FAT3: variants seen among roughly 807,000 people sequenced by gnomAD.
The protein encoded by FAT3 is protocadherin Fat 3.
In FAT3, 95 loss-of-function variants were observed where a neutral mutation model predicts 310.2. The observed-to-expected ratio is 0.31, with a 90% CI of 0.26 to 0.36. FAT3 has a LOEUF of 0.36. FAT3 is among the 10% of genes least tolerant of loss of function. FAT3 has a pLI of 1.00. For synonymous variants in FAT3, 2,314 were observed against 2,192.9 expected (o/e 1.06, Z -1.54); for missense variants, 5,408 against 5,715.6 (o/e 0.95, Z 1.74).
chr11:92,421,476 AT>A (rs913612750), intron 2 of FAT3, among the ~76,000 whole-genome samples: 1 of 152,030 alleles, frequency 6.6e-6, no homozygotes, highest in African/African-American at 2.4e-5. Context: ...CATCTGAATT[AT>A]TTTTTCAGCT....
At chr11:92,855,512 C>T (rs1165705216) in intron 19 of FAT3, among the ~76,000 whole-genome samples, 1 of 152,192 alleles carries the variant, frequency 6.6e-6, no homozygotes, top group Non-Finnish European at 1.5e-5. Context: ...AGGCCTTATA[C>T]CTCTTTGGCC....
chr11:92,623,474 C>T (rs1941181128), intron 3 of FAT3, among the ~76,000 whole-genome samples: 1 of 152,106 alleles, frequency 6.6e-6, no homozygotes, highest in Non-Finnish European at 1.5e-5. Flanking sequence ...GAGGATATGT[C>T]AACTCGAGTT....
At position 92,882,188 on chromosome 11, in the gene FAT3, CTT is replaced by C. The variant is rs1156307798; in HGVS notation, c.12282-548_12282-547del. On this transcript the variant is annotated intron_variant, in intron 23 of 27. Coordinates refer to ENST00000525166, the MANE Select transcript of FAT3 (RefSeq NM_001367949.2). Reference sequence around the variant, plus strand: ...AAACTGTTTTGAGGCTCTTTCTACTCTTTATTTCTCTCATTTAGTGTGAATAT... The same window carrying C: ...AAACTGTTTTGAGGCTCTTTCTACTCTATTTCTCTCATTTAGTGTGAATAT... Among the ~76,000 whole-genome samples, 5 of 152,222 alleles carry C rather than the reference CTT, an allele frequency of 3.3e-5. No homozygotes were observed. In the East Asian group the frequency reaches 9.7e-4, roughly 29 times the overall value.
rs79735440 is a variant in FAT3, at chr11:92,305,329, G to A, written c.-17-46767G>A. On this transcript the variant is annotated intron_variant, in intron 1 of 27. Coordinates refer to ENST00000525166, the MANE Select transcript of FAT3 (RefSeq NM_001367949.2). ...CTAGAAGGTACACACCCTCCTTACC[G>A]TAGAATTCTAGTTAATAAATGTAGA... 8.9e-3 allele frequency among the ~76,000 whole-genome samples: 1,354 copies of A among 152,118 alleles called. 19 individuals carry two copies. Among genetic ancestry groups the A allele is most frequent in the African/African-American group, 0.03 (1,252 of 41,510 alleles).
At chr11:92,673,249 A>C (rs956054695) in intron 3 of FAT3, among the ~76,000 whole-genome samples, 1 of 152,212 alleles carries the variant, frequency 6.6e-6, no homozygotes, top group Non-Finnish European at 1.5e-5. Context: ...CAAAGAAGTC[A>C]TAAACTACAA....
chr11:92,383,217 T>A lies in FAT3; in HGVS notation c.3292+27813T>A, dbSNP rs1474521908. Among the ~76,000 whole-genome samples, 5 of 152,228 alleles carry A rather than the reference T, an allele frequency of 3.3e-5. No individual in the cohort carries two copies. The East Asian group carries it at 9.6e-4, about 29-fold the overall frequency. On this transcript the variant is annotated intron_variant, in intron 2 of 27. Coordinates refer to ENST00000525166, the MANE Select transcript of FAT3 (RefSeq NM_001367949.2). The stretch of plus-strand genomic sequence containing the variant: ...GATTCCATGGTATATATGTACCACA[T>A]TTTCTTTATCCAGTCTGTCACTGAT...
At chr11:92,522,753 C>T (rs959488233) in intron 2 of FAT3, among the ~76,000 whole-genome samples, 1 of 152,142 alleles carries the variant, frequency 6.6e-6, no homozygotes, top group Non-Finnish European at 1.5e-5. Flanking sequence ...TATAGTTCAT[C>T]TTTTGATGTA....
At chr11:92,430,990 T>C (rs1188096226) in intron 2 of FAT3, among the ~76,000 whole-genome samples, 1 of 152,200 alleles carries the variant, frequency 6.6e-6, no homozygotes, top group East Asian at 1.9e-4. Context: ...TGTGTCTTTA[T>C]AGCAGCATGA....
At chr11:92,650,538 C>T (rs1293861988) in intron 3 of FAT3, among the ~76,000 whole-genome samples, 1 of 152,176 alleles carries the variant, frequency 6.6e-6, no homozygotes, top group Non-Finnish European at 1.5e-5. Flanking sequence ...AGTGGACATG[C>T]TGATAAGAAT....
chr11:92,815,923 C>T (rs1458409377), intron 13 of FAT3, among the ~76,000 whole-genome samples: 1 of 152,118 alleles, frequency 6.6e-6, no homozygotes, highest in African/African-American at 2.4e-5. Flanking sequence ...CAACAAGATT[C>T]CAAGAAAACA....
At chr11:92,362,152 C>T (rs1738879663) in intron 2 of FAT3, among the ~76,000 whole-genome samples, 1 of 152,186 alleles carries the variant, frequency 6.6e-6, no homozygotes. Context: ...AACATTTCTC[C>T]AGCATATCTG....
chr11:92,633,029 G>T (rs77743541), intron 3 of FAT3, among the ~76,000 whole-genome samples: 1 of 152,168 alleles, frequency 6.6e-6, no homozygotes, highest in African/African-American at 2.4e-5. Context: ...CTACAATCAT[G>T]GTGTTATAAT....
At chr11:92,575,218 G>T (rs568549547) in intron 3 of FAT3, among the ~76,000 whole-genome samples, 59 of 152,164 alleles carry the variant, frequency 3.9e-4, no homozygotes, top group African/African-American at 1.3e-3. Flanking sequence ...AGCTAATGTA[G>T]GTAGACGCCA....
At chr11:92,434,842 T>G (rs138403181) in intron 2 of FAT3, among the ~76,000 whole-genome samples, 1 of 152,332 alleles carries the variant, frequency 6.6e-6, no homozygotes, top group Non-Finnish European at 1.5e-5. Flanking sequence ...TGGGCCCATA[T>G]GATCTGAAAA....
chr11:92,295,686 A>G (rs1280080893), intron 1 of FAT3, among the ~76,000 whole-genome samples: 1 of 152,108 alleles, frequency 6.6e-6, no homozygotes, highest in Non-Finnish European at 1.5e-5. Context: ...GGAATGATTC[A>G]TCGTCGGCAG....
At chr11:92,824,587 A>T (rs1333668116) in intron 13 of FAT3, among the ~76,000 whole-genome samples, 1 of 152,148 alleles carries the variant, frequency 6.6e-6, no homozygotes, top group Non-Finnish European at 1.5e-5. Flanking sequence ...AAATAAATTG[A>T]GTATTTGATT....
intron 3 of FAT3, among the ~76,000 whole-genome samples, chr11:92,595,006 TG>T (rs1453898365): frequency 1.3e-5 from 2 of 151,810 alleles, no homozygotes; most frequent in Admixed American, 1.3e-4. Flanking sequence ...AATGTGTGTG[TG>T]TGTGTGTGTG....
In FAT3 at chr11:92,801,692, G is replaced by A; in HGVS notation, c.8679G>A (p.Val2893=). Residue 2893 remains valine (V), a synonymous_variant, in exon 10 of 28, where the codon GTG becomes GTA. Coordinates refer to ENST00000525166, the MANE Select transcript of FAT3 (RefSeq NM_001367949.2). Reference sequence around the variant, plus strand: ...CAGACCCCACATTCACCTTCTCTGTGGTGGCCTCTGACCTTGGAGAGGCAT... The same window carrying A: ...CAGACCCCACATTCACCTTCTCTGTAGTGGCCTCTGACCTTGGAGAGGCAT... The part of the protein sequence containing the change: ...HETDPTFTFS[V]VASDLGEAFS... 6.2e-7 allele frequency: 1 copy of A among 1,613,920 alleles called. No homozygotes were observed. The highest frequency in any genetic ancestry group is 1.1e-5 in the South Asian group (1 of 91,060).
intron 2 of FAT3, among the ~76,000 whole-genome samples, chr11:92,499,799 A>G (rs1203027105): frequency 5.9e-5 from 9 of 151,724 alleles, no homozygotes; most frequent in African/African-American, 9.7e-5. Flanking sequence ...AGAAACTTAC[A>G]AAGTCAGTTA....
Sources: gnomAD v4.1 joint callset for allele counts (sites outside exome capture counted in the v4.1 genomes callset) on GRCh38, gnomAD v4.1.1 for gene constraint, MANE v1.5 for transcripts, NCBI Gene and HGNC (gene_info 2026-07-23, HGNC 2026-07-21) for gene names.